RAB27B: variants seen among roughly 807,000 people sequenced by gnomAD.
RAB27B encodes ras-related protein Rab-27B.
RAB27B carries 15 observed loss-of-function variants against 24.6 expected under a neutral mutation model. That is an observed-to-expected ratio of 0.61 (90% CI 0.41 to 0.94). The LOEUF (loss-of-function observed/expected upper bound fraction) is 0.94, where lower values mean the gene tolerates loss of function less well. Among genes scored for constraint, RAB27B ranks in the 40% least tolerant of loss-of-function variants. The pLI, the probability that RAB27B is intolerant of heterozygous loss-of-function variation, is 0.00. For synonymous variants in RAB27B, 105 were observed against 92.5 expected (o/e 1.14, Z -0.78); for missense variants, 261 against 266.8 (o/e 0.98, Z 0.15).
intron 3 of RAB27B, among the ~76,000 whole-genome samples, chr18:54,882,279 T>G (rs1422934872): frequency 1.3e-5 from 2 of 152,210 alleles, no homozygotes; most frequent in African/African-American, 4.8e-5. Context: ...ATTGTATATC[T>G]TTTACTGTTT....
chr18:54,887,293 T>C (rs924320682), intron 4 of RAB27B, among the ~76,000 whole-genome samples: 5 of 151,824 alleles, frequency 3.3e-5, no homozygotes, highest in African/African-American at 7.3e-5. Context: ...TCTATTTACC[T>C]CCATCTATAT....
At position 54,799,846 on chromosome 18, in the gene RAB27B, G is replaced by T. The variant is rs1909546025; in HGVS notation, c.-19-77721G>T. ...GGTTTCACCCGTGTTAGCCAGGATA[G>T]TCTGTTAGCCAGGATGGTCTTGATC... On this transcript the variant is annotated intron_variant, in intron 2 of 4. Coordinates refer to the RAB27B transcript ENST00000586570. Among the ~76,000 whole-genome samples, 3 of 151,978 alleles carry T rather than the reference G, an allele frequency of 2.0e-5. No homozygotes were observed. In the South Asian group the frequency reaches 6.2e-4, roughly 31 times the overall value.
rs984026799 is a variant in RAB27B, at chr18:54,797,759, C to T, written c.-20+79618C>T. ...GACTCGTCTCGGGAGTGGTCTGGGT[C>T]ATTTCTGTAAACTGAGAATAGTTAA... On this transcript the variant is annotated intron_variant, in intron 2 of 4. Transcript: ENST00000586570. Among the ~76,000 whole-genome samples, 3 of 152,102 alleles carry T rather than the reference C, an allele frequency of 2.0e-5. 1 individual carries two copies. In the East Asian group the frequency reaches 5.8e-4, roughly 29 times the overall value.
intron 2 of RAB27B, among the ~76,000 whole-genome samples, chr18:54,817,785 C>G (rs1264893830): frequency 6.6e-6 from 1 of 151,642 alleles, no homozygotes; most frequent in Non-Finnish European, 1.5e-5. Flanking sequence ...AAATTAGTGT[C>G]ACCGTTAAGG....
chr18:54,725,741 G>A (rs1248187458), intron 2 of RAB27B, among the ~76,000 whole-genome samples: 2 of 151,370 alleles, frequency 1.3e-5, no homozygotes, highest in African/African-American at 2.4e-5. Context: ...AGAATAGGAC[G>A]AGGGAAACCA....
intron 2 of RAB27B, among the ~76,000 whole-genome samples, chr18:54,811,344 G>T (rs577958944): frequency 1.6e-4 from 24 of 152,246 alleles, no homozygotes; most frequent in Middle Eastern, 3.4e-3. Context: ...ATACATTTTG[G>T]GGGATGTGAG....
intron 4 of RAB27B, among the ~76,000 whole-genome samples, chr18:54,885,087 A>G (rs538687508): frequency 6.6e-6 from 1 of 152,342 alleles, no homozygotes; most frequent in South Asian, 2.1e-4. Context: ...TCATATTGAC[A>G]TACATCACCA....
At chr18:54,795,822 C>T (rs562644285) in intron 2 of RAB27B, among the ~76,000 whole-genome samples, 21 of 152,202 alleles carry the variant, frequency 1.4e-4, no homozygotes, top group African/African-American at 3.9e-4. Flanking sequence ...GCTTAAATAT[C>T]ACATTGGAAT....
At chr18:54,793,051 T>A (rs921319138) in intron 2 of RAB27B, among the ~76,000 whole-genome samples, 1 of 152,104 alleles carries the variant, frequency 6.6e-6, no homozygotes, top group Non-Finnish European at 1.5e-5. Flanking sequence ...TGCATTTAAA[T>A]TGACCCATGC....
intron 2 of RAB27B, among the ~76,000 whole-genome samples, chr18:54,805,148 C>A (rs1254046696): frequency 1.3e-5 from 2 of 151,950 alleles, no homozygotes; most frequent in African/African-American, 4.8e-5. Context: ...CTCAGCAAAG[C>A]CTTTCCAGGG....
intron 2 of RAB27B, among the ~76,000 whole-genome samples, chr18:54,785,106 TTC>T (rs1491436284): frequency 2.1e-4 from 3 of 14,334 alleles, no homozygotes; most frequent in Middle Eastern, 0.038. Context: ...TGGCTGAATG[TTC>T]TTTTTTTTTT....
At chr18:54,824,045 A>C (rs567922457), upstream of RAB27B, among the ~76,000 whole-genome samples, 1 of 152,114 alleles carries the variant, frequency 6.6e-6, no homozygotes, top group African/African-American at 2.4e-5. Context: ...AACTTTACAC[A>C]TTATTTATTG....
chr18:54,798,054 G>A (rs1011695410), intron 2 of RAB27B, among the ~76,000 whole-genome samples: 4 of 152,058 alleles, frequency 2.6e-5, no homozygotes, highest in Non-Finnish European at 5.9e-5. Context: ...TCTAATGCAA[G>A]AACCGCCGTC....
At position 54,867,992 on chromosome 18, in the gene RAB27B, T is replaced by C. The variant is rs921454978; in HGVS notation, c.-19-9575T>C. ...GAGATTTGTCTCCATCCAAATCTCA[T>C]GTTGAAATGTGTTTTCCAATGCTGG... On this transcript the variant is annotated intron_variant, in intron 1 of 5. Transcript: ENST00000262094. Among the ~76,000 whole-genome samples, 9 of 152,310 alleles carry C rather than the reference T, an allele frequency of 5.9e-5. No individual in the cohort carries two copies. The East Asian group carries it at 1.7e-3, about 29-fold the overall frequency.
chr18:54,787,288 T>C (rs565581944), intron 2 of RAB27B, among the ~76,000 whole-genome samples: 1 of 152,346 alleles, frequency 6.6e-6, no homozygotes, highest in Admixed American at 6.5e-5. Context: ...ACTTTCGCTC[T>C]GGTCACGTGC....
At chr18:54,861,933 C>A (rs1217224312) in intron 1 of RAB27B, among the ~76,000 whole-genome samples, 1 of 152,078 alleles carries the variant, frequency 6.6e-6, no homozygotes, top group Admixed American at 6.6e-5. Flanking sequence ...TGTTTTCAGT[C>A]TTAGAAGAGA....
At chr18:54,802,509 T>A (rs989391867) in intron 2 of RAB27B, among the ~76,000 whole-genome samples, 1 of 152,208 alleles carries the variant, frequency 6.6e-6, no homozygotes, top group Admixed American at 6.5e-5. Context: ...GACTGAACGG[T>A]CAGCAACTGG....
In RAB27B at chr18:54,726,423, A is replaced by G. The variant is rs1343614257; in HGVS notation, c.-20+8282A>G. ...CCAAAAATTCATGATGTTTAGCAGT[A>G]AGATTTTCCCCACAGCCTGCCTTTT... On this transcript the variant is annotated intron_variant, in intron 2 of 4. Transcript: ENST00000586570. Among the ~76,000 whole-genome samples the G allele has an allele frequency of 2.6e-5, 4 of 151,562 alleles. 1 individual carries two copies. The highest frequency in any genetic ancestry group is 2.0e-4 in the Admixed American group (3 of 15,198).
chr18:54,850,333 G>GACATATATATATATATATATATATAT lies in RAB27B; in HGVS notation c.-20+21634_-20+21635insCATATATATATATATATATATATATA, dbSNP rs869079784. Among the ~76,000 whole-genome samples the GACATATATATATATATATATATATAT allele has an allele frequency of 6.1e-3, 584 of 95,086 alleles. 45 individuals are homozygous for GACATATATATATATATATATATATAT. Among genetic ancestry groups the GACATATATATATATATATATATATAT allele is most frequent in the East Asian group, 0.013 (44 of 3,414 alleles). The allele number at this position is 95,086 out of a possible 152,430, so 62.4% of individuals were successfully genotyped here. A position where few individuals can be genotyped will look rare whatever the true frequency, so the allele number is the denominator to read the frequency against. The stretch of plus-strand genomic sequence containing the variant: ...TATTTATTTAAAAGCAAACAAACAG[G>GACATATATATATATATATATATATAT]ATATATATATATATATATATATATA... On this transcript the variant is annotated intron_variant, in intron 1 of 5. Transcript: ENST00000262094.
Sources: allele counts gnomAD v4.1 joint callset (sites outside exome capture counted in the v4.1 genomes callset), GRCh38; gene constraint gnomAD v4.1.1; transcripts MANE v1.5; gene names NCBI Gene and HGNC (gene_info 2026-07-23, HGNC 2026-07-21).